The following GRAMD2B variants were observed in gnomAD, a reference collection of about 807,000 sequenced individuals.
GRAMD2B encodes GRAM domain-containing protein 2B.
A neutral mutation model predicts 59.2 loss-of-function variants in GRAMD2B; 41 were observed. The observed-to-expected ratio is 0.69, with a 90% CI of 0.54 to 0.90. GRAMD2B has a LOEUF of 0.90. Ranked by LOEUF, GRAMD2B falls within the 40% of genes least tolerant of loss-of-function variation. GRAMD2B has a pLI of 0.00. For missense variants in GRAMD2B, 424 were observed against 500.5 expected, an observed-to-expected ratio of 0.85 and a Z score of 1.46; for synonymous variants, 161 against 182.7, an observed-to-expected ratio of 0.88 and a Z score of 0.96.
At chr5:126,413,772 G>A (rs140867979) in intron 1 of GRAMD2B, among the ~76,000 whole-genome samples, 1 of 151,986 alleles carries the variant, frequency 6.6e-6, no homozygotes, top group East Asian at 1.9e-4. Context: ...TATGAATCTG[G>A]GTGCTCCAAT....
intron 1 of GRAMD2B, among the ~76,000 whole-genome samples, chr5:126,413,344 CT>C (rs1356372900): frequency 6.6e-6 from 1 of 152,000 alleles, no homozygotes; most frequent in Admixed American, 6.6e-5. Flanking sequence ...TGATTTCTGC[CT>C]TAATTTTGTT....
chr5:126,485,505 A>G (rs1393567509), intron 10 of GRAMD2B, among the ~76,000 whole-genome samples, 181 bp from the exon 11 acceptor site: 2 of 152,228 alleles, frequency 1.3e-5, no homozygotes, highest in Non-Finnish European at 2.9e-5. Context: ...TATGTAATCA[A>G]TGGAATGTGT....
intron 1 of GRAMD2B, among the ~76,000 whole-genome samples, chr5:126,455,066 T>C (rs1766035739): frequency 6.6e-6 from 1 of 152,218 alleles, no homozygotes; most frequent in South Asian, 2.1e-4. Flanking sequence ...TGGATGTTCC[T>C]CTCCATTGCG....
chr5:126,454,113 T>C (rs1765850586), intron 1 of GRAMD2B, among the ~76,000 whole-genome samples: 2 of 152,116 alleles, frequency 1.3e-5, no homozygotes, highest in Non-Finnish European at 2.9e-5. Flanking sequence ...GAACATGATA[T>C]AAGTGCGGCC....
At chr5:126,387,089 A>G (rs111412497) in intron 1 of GRAMD2B, among the ~76,000 whole-genome samples, 2,322 of 152,254 alleles carry the variant, frequency 0.015, 79 homozygotes, top group African/African-American at 0.054. Context: ...TAAGAATTTT[A>G]AGGGCCAAAC....
intron 1 of GRAMD2B, among the ~76,000 whole-genome samples, chr5:126,442,856 T>TA (rs891586596): frequency 3.3e-5 from 5 of 151,894 alleles, no homozygotes; most frequent in East Asian, 1.9e-4. Flanking sequence ...AAAATAAAAT[T>TA]AAAAAAAACC....
chr5:126,445,150 G>A (rs889209920), intron 1 of GRAMD2B, among the ~76,000 whole-genome samples: 3 of 152,126 alleles, frequency 2.0e-5, no homozygotes, highest in Non-Finnish European at 4.4e-5. Context: ...TAATGCTGCA[G>A]TGAACATACT....
intron 2 of GRAMD2B, among the ~76,000 whole-genome samples, chr5:126,467,851 A>G (rs902296132): frequency 6.6e-6 from 1 of 152,190 alleles, no homozygotes; most frequent in Non-Finnish European, 1.5e-5. Flanking sequence ...GCATTGTGGA[A>G]TCATACACTG....
intron 1 of GRAMD2B, among the ~76,000 whole-genome samples, chr5:126,425,911 G>A (rs112409874): frequency 2.9e-4 from 44 of 152,310 alleles, no homozygotes; most frequent in African/African-American, 1.1e-3. Flanking sequence ...CGAAGTTTCA[G>A]TTAGGAGGAA....
intron 1 of GRAMD2B, chr5:126,433,521 C>T (rs1483617613): frequency 6.6e-6 from 1 of 152,208 alleles, no homozygotes; most frequent in East Asian, 1.9e-4. Flanking sequence ...ACAATTCTAA[C>T]ATTGAAAGAA....
chr5:126,384,861 TG>T (rs776105554), intron 1 of GRAMD2B, among the ~76,000 whole-genome samples: 123 of 152,370 alleles, frequency 8.1e-4, no homozygotes, highest in Non-Finnish European at 1.1e-3. Context: ...TCCCTTTCTC[TG>T]TGCTCACATT....
intron 1 of GRAMD2B, among the ~76,000 whole-genome samples, chr5:126,395,269 C>G (rs1020147006): frequency 9.2e-5 from 14 of 152,180 alleles, no homozygotes; most frequent in African/African-American, 3.4e-4. Context: ...CTATTCTTGC[C>G]TATTAGTTAT....
chr5:126,466,316 A>C (rs939325115), intron 2 of GRAMD2B: 1 of 1,458,612 alleles, frequency 6.9e-7, no homozygotes, highest in East Asian at 2.5e-5. Context: ...CTCCAAATCT[A>C]TGCTTCATTC....
At chr5:126,385,764 G>A (rs1756071053) in intron 1 of GRAMD2B, among the ~76,000 whole-genome samples, 3 of 152,152 alleles carry the variant, frequency 2.0e-5, no homozygotes, top group Admixed American at 2.0e-4. Flanking sequence ...TTGAATACTG[G>A]GAAAGTAGAG....
chr5:126,441,071 G>A (rs1004113176), intron 1 of GRAMD2B, among the ~76,000 whole-genome samples: 2 of 151,826 alleles, frequency 1.3e-5, no homozygotes, highest in East Asian at 1.9e-4. Flanking sequence ...TATTTTTTGT[G>A]TCTTTTTTTT....
chr5:126,467,074 G>A (rs936527605), intron 2 of GRAMD2B, among the ~76,000 whole-genome samples: 1 of 152,110 alleles, frequency 6.6e-6, no homozygotes, highest in Admixed American at 6.6e-5. Context: ...TGGATAACTT[G>A]AGGTCAGGAG....
intron 1 of GRAMD2B, among the ~76,000 whole-genome samples, chr5:126,446,694 G>A (rs1313102900): frequency 6.6e-6 from 1 of 151,508 alleles, no homozygotes; most frequent in African/African-American, 2.4e-5. Flanking sequence ...CTGTGACACA[G>A]GCTGAGGGAG....
At chr5:126,374,242 T>C (rs1754999425) in intron 1 of GRAMD2B, among the ~76,000 whole-genome samples, 1 of 152,236 alleles carries the variant, frequency 6.6e-6, no homozygotes, top group Non-Finnish European at 1.5e-5. Context: ...AATTGTCTGA[T>C]TTTTTTACCT....
chr5:126,372,046 T>A (rs538486946), intron 1 of GRAMD2B, among the ~76,000 whole-genome samples: 1 of 152,360 alleles, frequency 6.6e-6, no homozygotes, highest in East Asian at 1.9e-4. Flanking sequence ...AAGTACTTAC[T>A]GCATAGTGAT....
Sources: gnomAD v4.1 joint callset for allele counts (sites outside exome capture counted in the v4.1 genomes callset) on GRCh38, gnomAD v4.1.1 for gene constraint, MANE v1.5 for transcripts, NCBI Gene and HGNC (gene_info 2026-07-23, HGNC 2026-07-21) for gene names.